DNAJC24: variants seen among roughly 807,000 people sequenced by gnomAD.
DNAJC24 encodes the protein DnaJ heat shock protein family (Hsp40) member C24.
DNAJC24 carries 17 observed loss-of-function variants against 18.0 expected under a neutral mutation model. That is an observed-to-expected ratio of 0.94 (90% CI 0.65 to 1.42). The LOEUF is 1.42. DNAJC24 is among the 40% of genes most tolerant of loss of function. The probability of loss-of-function intolerance (pLI) is 0.00; values close to 1 mark genes in which losing one functional copy is unlikely to be tolerated. For synonymous variants in DNAJC24, 55 were observed against 57.7 expected, an observed-to-expected ratio of 0.95 and a Z score of 0.21; for missense variants, 158 against 175.6, an observed-to-expected ratio of 0.90 and a Z score of 0.57.
chr11:31,393,024 T>G (rs1164461373), intron 2 of DNAJC24, among the ~76,000 whole-genome samples: 1 of 152,210 alleles, frequency 6.6e-6, no homozygotes, highest in African/African-American at 2.4e-5. Context: ...ATAAATCTGC[T>G]AGTGCCTTGA....
At position 31,430,542 on chromosome 11, in the gene DNAJC24, C is replaced by A. The variant is rs1952911720; in HGVS notation, c.*141C>A. 1 of 485,694 alleles carries A rather than the reference C, an allele frequency of 2.1e-6. No individual in the cohort carries two copies. Among genetic ancestry groups the A allele is most frequent in the Non-Finnish European group, 3.3e-6 (1 of 299,774 alleles). 30.1% of individuals were successfully genotyped at this position (485,694 alleles called of 1,614,324 possible). On this transcript the variant is annotated 3_prime_UTR_variant, in exon 5 of 5. Transcript: ENST00000465995. ...ATATACAATTATCAAGCAGAGACCA[C>A]CTCAGATTAATAGAGAATGAATATA...
At chr11:31,418,138 A>C (rs1455326736) in intron 3 of DNAJC24, among the ~76,000 whole-genome samples, 1 of 152,108 alleles carries the variant, frequency 6.6e-6, no homozygotes, top group African/African-American at 2.4e-5. Flanking sequence ...AATTAGTTCT[A>C]GTTGGCATAT....
chr11:31,391,231 C>A (rs188786585), intron 2 of DNAJC24, among the ~76,000 whole-genome samples: 71 of 152,162 alleles, frequency 4.7e-4, no homozygotes, highest in Non-Finnish European at 6.3e-4. Flanking sequence ...ATAGGACAAA[C>A]CCACAGCTAG....
chr11:31,409,146 T>C (rs1456441638), intron 2 of DNAJC24, among the ~76,000 whole-genome samples: 1 of 152,234 alleles, frequency 6.6e-6, no homozygotes, highest in African/African-American at 2.4e-5. Context: ...TGGTTTTCTG[T>C]TGTACTTGTT....
intron 2 of DNAJC24, among the ~76,000 whole-genome samples, chr11:31,410,091 C>G (rs1591916081): frequency 6.6e-6 from 1 of 152,100 alleles, no homozygotes; most frequent in Admixed American, 6.5e-5. Flanking sequence ...CCATGGTGGT[C>G]AGGCTAGTCT....
intron 2 of DNAJC24, among the ~76,000 whole-genome samples, chr11:31,375,773 A>G (rs1327137329): frequency 7.4e-6 from 1 of 135,328 alleles, no homozygotes; most frequent in African/African-American, 2.5e-5. Flanking sequence ...TGTGAAGTAG[A>G]AGACAAAGTT....
intron 3 of DNAJC24, among the ~76,000 whole-genome samples, chr11:31,420,631 G>A (rs1952794940): frequency 6.6e-6 from 1 of 152,056 alleles, no homozygotes; most frequent in South Asian, 2.1e-4. Context: ...CTAGAACTGT[G>A]GTAGTTCTTT....
intron 3 of DNAJC24, among the ~76,000 whole-genome samples, chr11:31,419,428 G>A (rs983606100): frequency 6.6e-5 from 10 of 152,014 alleles, no homozygotes; most frequent in Admixed American, 5.9e-4. Flanking sequence ...CTTGTTGCAA[G>A]ATGACTACTC....
chr11:31,407,461 T>A (rs1952666666), intron 2 of DNAJC24: 1 of 151,836 alleles, frequency 6.6e-6, no homozygotes, highest in African/African-American at 2.4e-5. Flanking sequence ...ACAAGGTGGA[T>A]GGATTACTTG....
intron 2 of DNAJC24, among the ~76,000 whole-genome samples, chr11:31,383,027 A>G (rs1952392596): frequency 6.6e-6 from 1 of 152,186 alleles, no homozygotes; most frequent in Admixed American, 6.5e-5. Context: ...TGAAGAATAT[A>G]AATGAAGAGA....
intron 2 of DNAJC24, among the ~76,000 whole-genome samples, chr11:31,381,575 A>AT (rs544064492): frequency 3.0e-3 from 426 of 142,210 alleles, no homozygotes; most frequent in Admixed American, 3.5e-3. Context: ...TCAAAAAAAA[A>AT]TTTTTTTTTT....
intron 4 of DNAJC24, among the ~76,000 whole-genome samples, chr11:31,428,175 G>T (rs184474373): frequency 6.6e-6 from 1 of 151,860 alleles, no homozygotes; most frequent in African/African-American, 2.4e-5. Context: ...ATCATCAAGC[G>T]TTATCATCAA....
At chr11:31,381,776 C>G (rs774107221) in intron 2 of DNAJC24, among the ~76,000 whole-genome samples, 2 of 151,938 alleles carry the variant, frequency 1.3e-5, no homozygotes, top group Admixed American at 6.6e-5. Flanking sequence ...GGGGTTTCAC[C>G]ATGTTCGCCA....
At chr11:31,424,817 T>G (rs1952844948) in intron 3 of DNAJC24, among the ~76,000 whole-genome samples, 1 of 152,160 alleles carries the variant, frequency 6.6e-6, no homozygotes, top group African/African-American at 2.4e-5. Context: ...CACTAATAAA[T>G]TTTGAACAGG....
At chr11:31,429,424 AATAATCAAT>A in intron 4 of DNAJC24, 1 of 361,234 alleles carries the variant, frequency 2.8e-6, no homozygotes, top group Non-Finnish European at 6.1e-6. Context: ...TTATTTATGT[AATAATCAAT>A]TATAATGGTG....
intron 2 of DNAJC24, among the ~76,000 whole-genome samples, chr11:31,391,215 C>T (rs112193458): frequency 7.2e-5 from 11 of 152,226 alleles, no homozygotes; most frequent in African/African-American, 2.4e-4. Context: ...ACATCATAAA[C>T]GCCATATAGG....
intron 3 of DNAJC24, among the ~76,000 whole-genome samples, chr11:31,422,806 C>A (rs1298379811): frequency 1.3e-5 from 2 of 151,824 alleles, no homozygotes; most frequent in Admixed American, 6.6e-5. Flanking sequence ...GAAAAAAAAA[C>A]ACATTGATTT....
intron 2 of DNAJC24, among the ~76,000 whole-genome samples, chr11:31,397,066 C>T (rs992657785): frequency 6.6e-6 from 1 of 152,178 alleles, no homozygotes; most frequent in Non-Finnish European, 1.5e-5. Flanking sequence ...CCCAACTTAT[C>T]CAAGTGAAAA....
Position 31,422,029 on chromosome 11 carries a change from C to G in DNAJC24, c.251-4258C>G, listed in dbSNP as rs1376362. ...GTTTTCTTAGATCCCACTGTTGAGA[C>G]AATGGAGCCACAGAATTCTTTCACC... On this transcript the variant is annotated intron_variant, in intron 3 of 4. Transcript: ENST00000465995. 2,357 of 412,272 alleles carry G rather than the reference C, an allele frequency of 5.7e-3. 47 individuals carry two copies. Among genetic ancestry groups the G allele is most frequent in the African/African-American group, 0.045 (2,187 of 48,374 alleles). 25.5% of individuals were successfully genotyped at this position (412,272 alleles called of 1,614,324 possible).
Sources: gnomAD v4.1 joint callset for allele counts (sites outside exome capture counted in the v4.1 genomes callset) on GRCh38, gnomAD v4.1.1 for gene constraint, MANE v1.5 for transcripts, NCBI Gene and HGNC (gene_info 2026-07-23, HGNC 2026-07-21) for gene names.